The following RBFOX1 variants were observed in gnomAD, a reference collection of about 807,000 sequenced individuals.
RBFOX1 encodes the protein RNA binding fox-1 homolog 1.
Under a neutral mutation model 57.7 loss-of-function variants are expected in RBFOX1, and 8 were observed. The ratio of observed to expected loss-of-function variants is 0.14; its 90% CI spans 0.08 to 0.25. RBFOX1 has a LOEUF of 0.25. Ranked by LOEUF, RBFOX1 falls within the 10% of genes least tolerant of loss-of-function variation. RBFOX1 has a pLI of 1.00. For synonymous variants in RBFOX1, 326 were observed against 222.4 expected, an observed-to-expected ratio of 1.47 and a Z score of -4.15; for missense variants, 611 against 548.5, an observed-to-expected ratio of 1.11 and a Z score of -1.14.
chr16:7,661,109 G>C (rs2067607734), intron 12 of RBFOX1, among the ~76,000 whole-genome samples: 1 of 152,166 alleles, frequency 6.6e-6, no homozygotes, highest in Non-Finnish European at 1.5e-5. Flanking sequence ...CTATTAGGGA[G>C]AAAAACAATG....
chr16:5,997,446 C>G (rs761983643), intron 4 of RBFOX1, among the ~76,000 whole-genome samples: 3 of 152,190 alleles, frequency 2.0e-5, no homozygotes, highest in Admixed American at 6.5e-5. Flanking sequence ...CAGAGCTTAA[C>G]CACATGCTAG....
At chr16:5,298,434 TCCCTC>T (rs1161599667) in intron 1 of RBFOX1, among the ~76,000 whole-genome samples, 8 of 99,150 alleles carry the variant, frequency 8.1e-5, no homozygotes, top group Admixed American at 1.0e-4. Flanking sequence ...TCTCTCCCCT[TCCCTC>T]CCCTCCCCTC....
At chr16:6,968,610 G>C (rs1015724971) in intron 3 of RBFOX1, among the ~76,000 whole-genome samples, 1 of 151,462 alleles carries the variant, frequency 6.6e-6, no homozygotes, top group African/African-American at 2.4e-5. Flanking sequence ...CTCCCATCCT[G>C]TCAGTTTCAG....
chr16:6,148,964 G>C (rs1055683021), intron 1 of RBFOX1, among the ~76,000 whole-genome samples: 3 of 151,518 alleles, frequency 2.0e-5, no homozygotes, highest in African/African-American at 4.9e-5. Context: ...CAACGTAGAA[G>C]AAAAAAAAGA....
chr16:6,820,286 G>A (rs117449396), intron 3 of RBFOX1, among the ~76,000 whole-genome samples: 3,211 of 152,174 alleles, frequency 0.021, 56 homozygotes, highest in Non-Finnish European at 0.034. Flanking sequence ...TTTCTTCATA[G>A]CATTATGAAA....
At chr16:6,892,187 A>G (rs979525447) in intron 3 of RBFOX1, among the ~76,000 whole-genome samples, 1 of 152,088 alleles carries the variant, frequency 6.6e-6, no homozygotes, top group Non-Finnish European at 1.5e-5. Flanking sequence ...ATTTTATGCA[A>G]AGTTAATGCC....
chr16:7,354,817 T>C (rs2097186491), intron 4 of RBFOX1, among the ~76,000 whole-genome samples: 1 of 152,172 alleles, frequency 6.6e-6, no homozygotes, highest in African/African-American at 2.4e-5. Flanking sequence ...GTGGTTTGTG[T>C]TGGTTGTACT....
At chr16:6,777,768 G>C (rs143491379) in intron 3 of RBFOX1, among the ~76,000 whole-genome samples, 1 of 152,088 alleles carries the variant, frequency 6.6e-6, no homozygotes, top group African/African-American at 2.4e-5. Context: ...AGTTGAATAT[G>C]ATGAGAAAAC....
At chr16:5,748,809 C>G (rs1252565870) in intron 3 of RBFOX1, among the ~76,000 whole-genome samples, 3 of 152,126 alleles carry the variant, frequency 2.0e-5, no homozygotes, top group Non-Finnish European at 2.9e-5. Flanking sequence ...ACTGATGGGT[C>G]TTGACTCTTT....
At chr16:6,652,322 T>TCC (rs2098603008) in intron 2 of RBFOX1, among the ~76,000 whole-genome samples, 1 of 151,928 alleles carries the variant, frequency 6.6e-6, no homozygotes, top group South Asian at 2.1e-4. Flanking sequence ...GTGGTGCATG[T>TCC]CGGTAGTCCC....
intron 4 of RBFOX1, among the ~76,000 whole-genome samples, chr16:6,008,049 C>T (rs1160282564): frequency 1.3e-5 from 2 of 152,178 alleles, no homozygotes; most frequent in African/African-American, 4.8e-5. Flanking sequence ...ACTGAAAACA[C>T]AAAACATTAG....
At position 7,493,106 on chromosome 16, in the gene RBFOX1, T is replaced by A. The variant is rs1337215950; in HGVS notation, c.28-25041T>A. On this transcript the variant is annotated intron_variant, in intron 4 of 15. Coordinates refer to ENST00000550418, the MANE Select transcript of RBFOX1 (RefSeq NM_018723.4). ...GTTGGTCAGGCTGGTCTCAAACTCC[T>A]GACCTTAGGGGATTCGCCCGCCTCT... 2.6e-5 allele frequency among the ~76,000 whole-genome samples: 4 copies of A among 152,286 alleles called. No homozygotes were observed. The East Asian group carries it at 7.7e-4, about 29-fold the overall frequency.
intron 1 of RBFOX1, among the ~76,000 whole-genome samples, chr16:5,300,391 A>G (rs890535561): frequency 1.3e-5 from 2 of 152,104 alleles, no homozygotes; most frequent in African/African-American, 2.4e-5. Context: ...AGGGATAAAG[A>G]CTACACATGG....
At chr16:7,332,410 T>C (rs2096709803) in intron 4 of RBFOX1, among the ~76,000 whole-genome samples, 1 of 152,222 alleles carries the variant, frequency 6.6e-6, no homozygotes, top group Non-Finnish European at 1.5e-5. Context: ...AAATTTGAAA[T>C]CAGAGAGAGA....
chr16:7,071,597 GT>G (rs1205509267), intron 4 of RBFOX1, among the ~76,000 whole-genome samples: 1 of 150,686 alleles, frequency 6.6e-6, no homozygotes, highest in Non-Finnish European at 1.5e-5. Context: ...ATGTGTGTGT[GT>G]GTGTGTGTGT....
At chr16:5,597,941 G>C (rs1027407991) in intron 2 of RBFOX1, among the ~76,000 whole-genome samples, 1 of 152,162 alleles carries the variant, frequency 6.6e-6, no homozygotes, top group Non-Finnish European at 1.5e-5. Flanking sequence ...CCTGTGAGAC[G>C]GGGCTGAGGT....
chr16:7,152,520 G>C (rs2076297231), intron 4 of RBFOX1, among the ~76,000 whole-genome samples: 1 of 152,080 alleles, frequency 6.6e-6, no homozygotes, highest in African/African-American at 2.4e-5. Context: ...ATGGTCTGGT[G>C]CTACCAAAGA....
chr16:6,793,997 C>G (rs141254250), intron 3 of RBFOX1, among the ~76,000 whole-genome samples: 1 of 152,018 alleles, frequency 6.6e-6, no homozygotes, highest in Non-Finnish European at 1.5e-5. Flanking sequence ...GTAACTCCAC[C>G]GGATTGCTTT....
downstream of RBFOX1, among the ~76,000 whole-genome samples, chr16:5,600,989 C>G (rs1328033951): frequency 6.6e-6 from 1 of 152,224 alleles, no homozygotes; most frequent in Non-Finnish European, 1.5e-5. Context: ...TCTGACCCAC[C>G]TGCATCAGTG....
Sources: allele counts gnomAD v4.1 joint callset (sites outside exome capture counted in the v4.1 genomes callset), GRCh38; gene constraint gnomAD v4.1.1; transcripts MANE v1.5; gene names NCBI Gene and HGNC (gene_info 2026-07-23, HGNC 2026-07-21).